Variants in PTPRK observed in about 807,000 individuals in gnomAD.
PTPRK encodes the protein receptor-type tyrosine-protein phosphatase kappa.
In PTPRK, 75 loss-of-function variants were observed where a neutral mutation model predicts 178.0. The ratio of observed to expected loss-of-function variants is 0.42; its 90% CI spans 0.35 to 0.51. PTPRK has a LOEUF of 0.51. Among genes scored for constraint, PTPRK ranks in the 20% least tolerant of loss-of-function variants. PTPRK has a pLI of 0.02. For synonymous variants in PTPRK, 637 were observed against 620.6 expected (o/e 1.03, Z -0.39); for missense variants, 1,441 against 1,797.8 (o/e 0.80, Z 3.59).
chr6:127,981,050 C>T, intron 25 of PTPRK, 66 bp downstream of exon 25: 5 of 1,347,684 alleles, frequency 3.7e-6, no homozygotes, highest in Admixed American at 2.3e-5. Context: ...GAAAACTAGC[C>T]AGTGTTCAGT....
At chr6:128,432,979 TTAAC>T (rs1383500722) in intron 1 of PTPRK, among the ~76,000 whole-genome samples, 11 of 152,192 alleles carry the variant, frequency 7.2e-5, no homozygotes, top group African/African-American at 1.2e-4. Flanking sequence ...TCAATTCCCT[TTAAC>T]TATTTGTATC....
intron 2 of PTPRK, among the ~76,000 whole-genome samples, chr6:128,352,253 CAA>C (rs10665459): frequency 2.1e-5 from 2 of 94,986 alleles, no homozygotes; most frequent in African/African-American, 8.5e-5. Flanking sequence ...GACTTCATCT[CAA>C]AAAAAAAAAA....
At chr6:128,451,062 C>T (rs535721051) in intron 1 of PTPRK, among the ~76,000 whole-genome samples, 1 of 152,192 alleles carries the variant, frequency 6.6e-6, no homozygotes, top group African/African-American at 2.4e-5. Context: ...ATGTCTGTTG[C>T]CAATGACAAA....
chr6:128,517,715 T>C (rs1393359165), intron 1 of PTPRK, among the ~76,000 whole-genome samples: 1 of 152,242 alleles, frequency 6.6e-6, no homozygotes, highest in Non-Finnish European at 1.5e-5. Flanking sequence ...GCTCAGCCTT[T>C]CAAAATTTGC....
Position 128,201,769 on chromosome 6 carries a change from A to T in PTPRK, c.869-17044T>A, listed in dbSNP as rs573524207. On this transcript the variant is annotated intron_variant, in intron 6 of 29. Coordinates refer to ENST00000368226, the MANE Select transcript of PTPRK (RefSeq NM_002844.4). ...TTAAATAAAATGGTAGGTAATAACT[A>T]TCATGCTACTTGTTAGGGCAGGAAT... 4.7e-4 allele frequency among the ~76,000 whole-genome samples: 72 copies of T among 152,228 alleles called. 1 individual carries two copies. Among genetic ancestry groups the T allele is most frequent in the Admixed American group, 4.2e-3 (64 of 15,286 alleles).
At chr6:128,448,789 G>A (rs763934778) in intron 1 of PTPRK, among the ~76,000 whole-genome samples, 1 of 152,156 alleles carries the variant, frequency 6.6e-6, no homozygotes, top group Non-Finnish European at 1.5e-5. Flanking sequence ...TCTCTAAGTG[G>A]CAAAGATGAC....
chr6:128,173,565 C>T (rs1800614880), intron 7 of PTPRK, among the ~76,000 whole-genome samples: 1 of 151,962 alleles, frequency 6.6e-6, no homozygotes, highest in South Asian at 2.1e-4. Context: ...AACTGCCTGA[C>T]CCAATGCCTC....
chr6:128,278,211 C>A (rs1821081902), intron 3 of PTPRK, among the ~76,000 whole-genome samples: 1 of 151,652 alleles, frequency 6.6e-6, no homozygotes, highest in South Asian at 2.1e-4. Context: ...GGCTGGAGTG[C>A]AATGGCGTGA....
intron 3 of PTPRK, among the ~76,000 whole-genome samples, chr6:128,279,212 TA>T (rs58937614): frequency 0.83 from 121,304 of 145,498 alleles, 51,979 homozygotes; most frequent in East Asian, 0.99. Context: ...GAGGTTAAAT[TA>T]AAAAAAAAAA....
rs1314131036 is a variant in PTPRK, at chr6:127,976,909, C to T, written c.3843+14G>A. 3.7e-6 allele frequency: 6 copies of T among 1,613,642 alleles called. No homozygotes were observed. Among genetic ancestry groups the T allele is most frequent in the African/African-American group, 1.3e-5 (1 of 74,894 alleles). ...TTGTATATAAGTACATAAAAGCAAT[C>T]CATAGCCATTAACCTGGGACAAGTC... On this transcript the variant is annotated intron_variant, in intron 26 of 29. Coordinates refer to ENST00000368226, the MANE Select transcript of PTPRK (RefSeq NM_002844.4).
chr6:128,437,754 G>T (rs936223750), intron 1 of PTPRK, among the ~76,000 whole-genome samples: 1 of 152,150 alleles, frequency 6.6e-6, no homozygotes, highest in Non-Finnish European at 1.5e-5. Context: ...CAAAATAGCA[G>T]TATAGGCAGG....
At position 128,439,577 on chromosome 6, in the gene PTPRK, G is replaced by A. The variant is rs184783219; in HGVS notation, c.101-41889C>T. The stretch of plus-strand genomic sequence containing the variant: ...AAAAACCTATGCTTTGGGGTAAAGA[G>A]AAAGTATCACAAAAACAGTCCAAAC... On this transcript the variant is annotated intron_variant, in intron 1 of 29. Coordinates refer to ENST00000368226, the MANE Select transcript of PTPRK (RefSeq NM_002844.4). 1.3e-3 allele frequency among the ~76,000 whole-genome samples: 193 copies of A among 152,276 alleles called. 1 individual carries two copies. The highest frequency in any genetic ancestry group is 4.4e-3 in the African/African-American group (181 of 41,564).
intron 13 of PTPRK, among the ~76,000 whole-genome samples, chr6:128,060,867 A>C (rs1349974032): frequency 6.6e-6 from 1 of 152,192 alleles, no homozygotes; most frequent in African/African-American, 2.4e-5. Context: ...AAACAACTCT[A>C]GTTATTTAAT....
intron 2 of PTPRK, among the ~76,000 whole-genome samples, chr6:128,355,928 A>C (rs142676352): frequency 6.6e-6 from 1 of 152,366 alleles, no homozygotes; most frequent in Non-Finnish European, 1.5e-5. Context: ...GTTTTCCTTT[A>C]GTCATTTTCA....
chr6:128,211,491 T>A (rs1808157499), intron 6 of PTPRK, among the ~76,000 whole-genome samples: 1 of 152,144 alleles, frequency 6.6e-6, no homozygotes, highest in African/African-American at 2.4e-5. Context: ...GGTACTATCA[T>A]AAACTTTGAA....
chr6:128,135,886 T>C (rs978036358), intron 7 of PTPRK, among the ~76,000 whole-genome samples: 5 of 151,830 alleles, frequency 3.3e-5, no homozygotes, highest in African/African-American at 4.8e-5. Flanking sequence ...TAGCATCTGG[T>C]AGAGTTTTAA....
At chr6:128,045,193 A>T (rs1335353303) in intron 13 of PTPRK, among the ~76,000 whole-genome samples, 1 of 152,008 alleles carries the variant, frequency 6.6e-6, no homozygotes, top group Non-Finnish European at 1.5e-5. Context: ...TAGTATACAT[A>T]CTTATATTAC....
chr6:128,493,290 C>T (rs1039494774), intron 1 of PTPRK, among the ~76,000 whole-genome samples: 18 of 152,270 alleles, frequency 1.2e-4, no homozygotes, highest in African/African-American at 2.4e-4. Context: ...TGGCTGGGCG[C>T]GGTGGCTCAC....
At chr6:128,350,607 T>C (rs1324101614) in intron 2 of PTPRK, among the ~76,000 whole-genome samples, 1 of 152,216 alleles carries the variant, frequency 6.6e-6, no homozygotes, top group Non-Finnish European at 1.5e-5. Context: ...CAGTGCTTTG[T>C]AAATATTTAA....
Sources: gnomAD v4.1 joint callset for allele counts (sites outside exome capture counted in the v4.1 genomes callset) on GRCh38, gnomAD v4.1.1 for gene constraint, MANE v1.5 for transcripts, NCBI Gene and HGNC (gene_info 2026-07-23, HGNC 2026-07-21) for gene names.